The following RRP1B variants were observed in gnomAD, a reference collection of about 807,000 sequenced individuals.
The protein encoded by RRP1B is ribosomal RNA processing protein 1 homolog B.
Under a neutral mutation model 80.2 loss-of-function variants are expected in RRP1B, and 56 were observed. That is an observed-to-expected ratio of 0.70 (90% CI 0.56 to 0.87). The LOEUF (loss-of-function observed/expected upper bound fraction) is 0.87, where lower values mean the gene tolerates loss of function less well. Among genes scored for constraint, RRP1B ranks in the 40% least tolerant of loss-of-function variants. The pLI is 0.00. For missense variants in RRP1B, 807 were observed against 939.8 expected (o/e 0.86, Z 1.85); for synonymous variants, 351 against 357.6 (o/e 0.98, Z 0.21).
Position 43,685,189 on chromosome 21 carries a change from A to G in RRP1B, c.989+539A>G, listed in dbSNP as rs537333085. On this transcript the variant is annotated intron_variant, in intron 10 of 15. Coordinates refer to ENST00000340648, the MANE Select transcript of RRP1B (RefSeq NM_015056.3). The stretch of plus-strand genomic sequence containing the variant: ...CCGGGCACTGCTCTGAGCACTTTGT[A>G]TACATTCAAGTATTCCATGTTAAGC... Among the ~76,000 whole-genome samples the G allele has an allele frequency of 5.9e-5, 9 of 152,252 alleles. No individual in the cohort carries two copies. In the South Asian group the frequency reaches 1.2e-3, roughly 21 times the overall value.
At chr21:43,665,124 A>G (rs926285626) in intron 1 of RRP1B, among the ~76,000 whole-genome samples, 7 of 152,348 alleles carry the variant, frequency 4.6e-5, no homozygotes, top group African/African-American at 1.7e-4. Flanking sequence ...TTTGCCTGTT[A>G]CAGGTGTGGG....
intron 8 of RRP1B, among the ~76,000 whole-genome samples, chr21:43,681,227 A>G (rs1436098795): frequency 1.3e-5 from 2 of 152,106 alleles, no homozygotes; most frequent in African/African-American, 4.8e-5. Flanking sequence ...TGGGCAACCA[A>G]GCAAAACACT....
intron 15 of RRP1B, among the ~76,000 whole-genome samples, chr21:43,692,415 A>G (rs183807446): frequency 1.3e-3 from 202 of 152,244 alleles, no homozygotes; most frequent in Non-Finnish European, 2.4e-3. Context: ...CCTGGCCAAC[A>G]TGGTAAAACC....
At chr21:43,667,574 T>C (rs1217779260) in intron 1 of RRP1B, among the ~76,000 whole-genome samples, 3 of 152,132 alleles carry the variant, frequency 2.0e-5, no homozygotes, top group African/African-American at 7.2e-5. Context: ...TCATCTAATG[T>C]TTTAGCAGCT....
chr21:43,659,796 T>C lies in RRP1B; in HGVS notation c.130+2T>C. The C allele has an allele frequency of 6.7e-7, 1 of 1,493,916 alleles. No homozygotes were observed. Among genetic ancestry groups the C allele is most frequent in the Non-Finnish European group, 9.0e-7 (1 of 1,115,962 alleles). 92.5% of individuals were successfully genotyped at this position (1,493,916 alleles called of 1,614,324 possible). ...GCGTGAAGACGCAGAGGGAGACAGG[T>C]GGGCGCACGGCCGCGGTCAGCCGCG... On this transcript the variant is annotated splice_donor_variant, in intron 1 of 15. Coordinates refer to ENST00000340648, the MANE Select transcript of RRP1B (RefSeq NM_015056.3). LOFTEE classifies it high-confidence loss of function. The surrounding 1 kb of genome is among the most constrained non-coding windows in gnomAD (Gnocchi z 4.2).
Position 43,693,082 on chromosome 21 carries a change from G to T in RRP1B, c.2084-108G>T. ...CAGGGCCTTGAGATGGCCCTGCTTC[G>T]TCCTAGCAAGTGGGTGGGGTCGGCA... On this transcript the variant is annotated intron_variant, in intron 15 of 15. Coordinates refer to ENST00000340648, the MANE Select transcript of RRP1B (RefSeq NM_015056.3). This position sits in a 1 kb window ranked among gnomAD's most constrained non-coding sequence, Gnocchi z 4.1. 8.7e-7 allele frequency: 1 copy of T among 1,152,652 alleles called. No individual in the cohort carries two copies. 71.4% of individuals were successfully genotyped at this position (1,152,652 alleles called of 1,614,324 possible). A position where few individuals can be genotyped will look rare whatever the true frequency, so the allele number is the denominator to read the frequency against.
At chr21:43,686,680 G>T in intron 11 of RRP1B, 124 bp from the exon 12 acceptor site, 4 of 1,119,044 alleles carry the variant, frequency 3.6e-6, no homozygotes, top group Non-Finnish European at 5.1e-6. Flanking sequence ...CTCAGGTTTG[G>T]GTGGGAGAAA....
chr21:43,690,778 G>A (rs575665088), intron 14 of RRP1B, among the ~76,000 whole-genome samples: 2 of 152,250 alleles, frequency 1.3e-5, no homozygotes, highest in Non-Finnish European at 2.9e-5. Flanking sequence ...GGTCCACACA[G>A]AAATGTGGGT....
rs1357564172 is a variant in RRP1B at position 43,688,248 on chromosome 21, G to A, written c.1866+8G>A. The A allele has an allele frequency of 6.5e-7, 1 of 1,527,526 alleles. No individual in the cohort carries two copies. The highest frequency in any genetic ancestry group is 8.8e-7 in the Non-Finnish European group (1 of 1,133,772). 94.6% of individuals were successfully genotyped at this position (1,527,526 alleles called of 1,614,324 possible). ...GGGCAACCCCAGGCTCTGGTAAGGT[G>A]GGAGCACCCACAGGCCAGCTCGCCA... is the stretch of plus-strand genomic sequence containing the variant. On this transcript the variant is annotated splice_region_variant and intron_variant, in intron 13 of 15. Transcript: ENST00000340648.
At chr21:43,660,740 C>T (rs1331241055) in intron 1 of RRP1B, among the ~76,000 whole-genome samples, 1 of 152,082 alleles carries the variant, frequency 6.6e-6, no homozygotes, top group Non-Finnish European at 1.5e-5. Context: ...TTCACGTGCC[C>T]TAGGAGTGGT....
At chr21:43,660,162 G>T (rs1359510998) in intron 1 of RRP1B, among the ~76,000 whole-genome samples, 2 of 152,184 alleles carry the variant, frequency 1.3e-5, no homozygotes, top group Non-Finnish European at 2.9e-5. Flanking sequence ...GGGGCTGCAG[G>T]AGAGAAGACA....
rs2082943412 is a variant in RRP1B at position 43,659,988 on chromosome 21, G to C, written c.130+194G>C. Among the ~76,000 whole-genome samples, 2 of 152,242 alleles carry C rather than the reference G, an allele frequency of 1.3e-5. No homozygotes were observed. Among genetic ancestry groups the C allele is most frequent in the African/African-American group, 4.8e-5 (2 of 41,468 alleles). On this transcript the variant is annotated intron_variant, in intron 1 of 15. Coordinates refer to ENST00000340648, the MANE Select transcript of RRP1B (RefSeq NM_015056.3). The surrounding 1 kb of genome is among the most constrained non-coding windows in gnomAD (Gnocchi z 4.2). ...TTTTACACTTAAGGAAACGGGTTGA[G>C]GGGGTTCCGTTACTTATGAAAGTCA...
intron 11 of RRP1B, 104 bp from the exon 12 acceptor site, chr21:43,686,700 A>G (rs934562840): frequency 1.5e-6 from 2 of 1,306,400 alleles, no homozygotes; most frequent in Non-Finnish European, 1.1e-6. Flanking sequence ...ACGGTGAGGA[A>G]CGATGATGAT....
chr21:43,675,233 G>A lies in RRP1B; in HGVS notation c.549+70G>A, dbSNP rs1267742087. On this transcript the variant is annotated intron_variant, in intron 6 of 15. Coordinates refer to ENST00000340648, the MANE Select transcript of RRP1B (RefSeq NM_015056.3). The stretch of plus-strand genomic sequence containing the variant: ...AGTGTTCGCAGTAGTCGCCAGTGAA[G>A]TGCTGTGGGGTGGCCCTTCGCATGA... 4.0e-6 allele frequency: 6 copies of A among 1,489,764 alleles called. No individual in the cohort carries two copies. The East Asian group carries it at 1.1e-4, about 28-fold the overall frequency. The allele number at this position is 1,489,764 out of a possible 1,614,324, so 92.3% of individuals were successfully genotyped here.
chr21:43,692,184 C>T (rs539172745), intron 15 of RRP1B, among the ~76,000 whole-genome samples: 4 of 152,368 alleles, frequency 2.6e-5, no homozygotes, highest in African/African-American at 9.6e-5. Flanking sequence ...CTGTAGCTGT[C>T]TCTCTGCGAA....
Position 43,674,987 on chromosome 21 carries a change from C to T in RRP1B, c.420-47C>T, listed in dbSNP as rs981035537. 1.1e-5 allele frequency: 18 copies of T among 1,604,696 alleles called. 1 individual carries two copies. Among genetic ancestry groups the T allele is most frequent in the East Asian group, 8.9e-5 (4 of 44,794 alleles). ...TTTTGTTTCTCTTTGGGAAGTGGGA[C>T]GTGTTGGCATACTGTCATTCACAGA... On this transcript the variant is annotated intron_variant, in intron 5 of 15. Coordinates refer to ENST00000340648, the MANE Select transcript of RRP1B (RefSeq NM_015056.3).
At chr21:43,689,164 C>T (rs903868405) in intron 13 of RRP1B, among the ~76,000 whole-genome samples, 6 of 152,246 alleles carry the variant, frequency 3.9e-5, no homozygotes, top group Non-Finnish European at 8.8e-5. Context: ...GCCACATCCA[C>T]TTGTATGTGC....
chr21:43,669,710 C>T (rs1192671325), intron 1 of RRP1B, among the ~76,000 whole-genome samples, 174 bp from the exon 2 acceptor site: 1 of 152,014 alleles, frequency 6.6e-6, no homozygotes, highest in South Asian at 2.1e-4. Context: ...GCTGCAGGTA[C>T]AGTAGTAATT....
chr21:43,688,814 G>C (rs572938498), intron 13 of RRP1B, among the ~76,000 whole-genome samples: 2 of 152,168 alleles, frequency 1.3e-5, no homozygotes, highest in Non-Finnish European at 2.9e-5. Flanking sequence ...ATCTGGTCTT[G>C]GGTCTGGCTG....
Sources: gnomAD v4.1 joint callset for allele counts (sites outside exome capture counted in the v4.1 genomes callset) on GRCh38, gnomAD v4.1.1 for gene constraint, Gnocchi (gnomAD v3.1) non-coding constraint, MANE v1.5 for transcripts, NCBI Gene and HGNC (gene_info 2026-07-23, HGNC 2026-07-21) for gene names.